Variants in ASTN1 observed in about 807,000 individuals in gnomAD.
The protein encoded by ASTN1 is astrotactin-1.
A neutral mutation model predicts 140.7 loss-of-function variants in ASTN1; 41 were observed. That is an observed-to-expected ratio of 0.29 (90% CI 0.23 to 0.38). The LOEUF is 0.38. ASTN1 is among the 10% of genes least tolerant of loss of function. The pLI, the probability that ASTN1 is intolerant of heterozygous loss-of-function variation, is 1.00. For missense variants in ASTN1, 1,479 were observed against 1,678.8 expected, an observed-to-expected ratio of 0.88 and a Z score of 2.08; for synonymous variants, 640 against 652.2, an observed-to-expected ratio of 0.98 and a Z score of 0.29.
In ASTN1 at chr1:177,032,513, G is replaced by T; in HGVS notation, c.808C>A (p.Arg270Ser). ...CAGCCCTGCAGGGAGTCGAGGGTGC[G>T]CGTGACCTGGCTGGCAAAGTCCTCC... is the stretch of plus-strand genomic sequence containing the variant. ...GGEDFASQVT[R>S]TLDSLQGCNE... Residue 270 changes from arginine (R) to serine (S), a missense_variant, in exon 3 of 23, where the codon CGC (arginine) becomes AGC (serine). Physicochemically the swap from Arg to Ser is moderately radical, Grantham distance 110. Coordinates refer to ENST00000361833, the MANE Select transcript of ASTN1 (RefSeq NM_004319.3). 1.2e-6 allele frequency: 2 copies of T among 1,614,062 alleles called. No individual in the cohort carries two copies. Among genetic ancestry groups the T allele is most frequent in the Non-Finnish European group, 1.7e-6 (2 of 1,180,024 alleles).
At chr1:177,159,025 C>T (rs185892084) in intron 1 of ASTN1, among the ~76,000 whole-genome samples, 39 of 146,320 alleles carry the variant, frequency 2.7e-4, no homozygotes, top group Middle Eastern at 6.9e-3. Flanking sequence ...CAAGATTGTG[C>T]CACTGCACTC....
At chr1:177,085,586 G>A (rs745768582) in intron 1 of ASTN1, among the ~76,000 whole-genome samples, 1 of 152,240 alleles carries the variant, frequency 6.6e-6, no homozygotes, top group Non-Finnish European at 1.5e-5. Context: ...CCCTGGGCAG[G>A]TTCCTTGATG....
chr1:176,953,463 T>C (rs893772014), intron 11 of ASTN1, among the ~76,000 whole-genome samples: 3 of 152,248 alleles, frequency 2.0e-5, no homozygotes, highest in African/African-American at 7.2e-5. Context: ...CCAAACTTTT[T>C]GATGGGCTCT....
rs904545728 is a variant in ASTN1 at position 176,862,802 on chromosome 1, T to C, written c.*1482A>G. On this transcript the variant is annotated 3_prime_UTR_variant, in exon 23 of 23. Coordinates refer to ENST00000361833, the MANE Select transcript of ASTN1 (RefSeq NM_004319.3). The stretch of plus-strand genomic sequence containing the variant: ...TCAGCGCCTGGCATACAGCAAGCAC[T>C]CAATAAATGTTATCTGTCACTACTA... 4 of 984,650 alleles carry C rather than the reference T, an allele frequency of 4.1e-6. No individual in the cohort carries two copies. In the African/African-American group the frequency reaches 7.0e-5, roughly 17 times the overall value. The allele number at this position is 984,650 out of a possible 1,614,324, so 61.0% of individuals were successfully genotyped here.
Position 176,917,181 on chromosome 1 carries a change from A to G in ASTN1, c.2671+16971T>C, listed in dbSNP as rs79833560. Among the ~76,000 whole-genome samples, 943 of 152,038 alleles carry G rather than the reference A, an allele frequency of 6.2e-3. 13 individuals carry two copies. The highest frequency in any genetic ancestry group is 0.022 in the African/African-American group (919 of 41,454). ...GTAGCCCCTGTCATACCTCATTGTA[A>G]TTTCTGGTTTCCTAGACTCTTCCCA... On this transcript the variant is annotated intron_variant, in intron 16 of 22. Coordinates refer to ENST00000361833, the MANE Select transcript of ASTN1 (RefSeq NM_004319.3).
chr1:177,023,604 T>C, intron 6 of ASTN1, 33 bp from the exon 7 acceptor site: 1 of 1,534,134 alleles, frequency 6.5e-7, no homozygotes, highest in Non-Finnish European at 8.7e-7. Context: ...CATGCCTATA[T>C]GTGCAACACA....
intron 16 of ASTN1, among the ~76,000 whole-genome samples, chr1:176,924,917 T>C (rs1272551131): frequency 6.6e-6 from 1 of 152,174 alleles, no homozygotes; most frequent in Admixed American, 6.5e-5. Context: ...CTCATCTGAA[T>C]ACTGTTTTAA....
chr1:177,027,057 C>T (rs953240427), intron 5 of ASTN1, among the ~76,000 whole-genome samples: 1 of 152,198 alleles, frequency 6.6e-6, no homozygotes, highest in Non-Finnish European at 1.5e-5. Context: ...TTCTAGTAAA[C>T]ATTTTACTGC....
chr1:177,036,523 G>A (rs1676727500), intron 2 of ASTN1, among the ~76,000 whole-genome samples: 1 of 152,124 alleles, frequency 6.6e-6, no homozygotes, highest in African/African-American at 2.4e-5. Flanking sequence ...ACTAATTGTG[G>A]ACTATTACAT....
chr1:177,021,252 T>C (rs1275387251), intron 7 of ASTN1, among the ~76,000 whole-genome samples: 1 of 152,228 alleles, frequency 6.6e-6, no homozygotes, highest in Non-Finnish European at 1.5e-5. Context: ...AGTCTTCCTC[T>C]GTGTCTTTCC....
chr1:177,125,362 C>T (rs548389517), intron 1 of ASTN1, among the ~76,000 whole-genome samples: 1 of 152,242 alleles, frequency 6.6e-6, no homozygotes, highest in South Asian at 2.1e-4. Context: ...AATGACTATG[C>T]AAAGATTAAG....
intron 1 of ASTN1, among the ~76,000 whole-genome samples, chr1:177,089,832 TGAG>T (rs1448981927): frequency 6.6e-6 from 1 of 152,060 alleles, no homozygotes; most frequent in East Asian, 1.9e-4. Context: ...AAAATAGAAA[TGAG>T]AAGTCACTGA....
intron 16 of ASTN1, among the ~76,000 whole-genome samples, chr1:176,900,174 T>A (rs1258195323): frequency 1.3e-5 from 2 of 152,092 alleles, no homozygotes; most frequent in Non-Finnish European, 2.9e-5. Flanking sequence ...CATCAAACAG[T>A]AAAGAAGAAA....
intron 11 of ASTN1, among the ~76,000 whole-genome samples, chr1:176,952,459 C>T (rs1417609246): frequency 6.6e-6 from 1 of 151,798 alleles, no homozygotes; most frequent in Non-Finnish European, 1.5e-5. Flanking sequence ...GCTTAGGCTG[C>T]AGTTCAGAGT....
intron 8 of ASTN1, among the ~76,000 whole-genome samples, chr1:176,971,513 A>T (rs1289754691): frequency 6.6e-6 from 1 of 152,196 alleles, no homozygotes; most frequent in Non-Finnish European, 1.5e-5. Flanking sequence ...ACCACCCCCG[A>T]CATATCCCCT....
intron 1 of ASTN1, among the ~76,000 whole-genome samples, chr1:177,124,699 C>G (rs934901066): frequency 2.1e-4 from 32 of 152,246 alleles, no homozygotes; most frequent in South Asian, 6.2e-4. Flanking sequence ...ATTAAGTTCT[C>G]TTTATTATCA....
intron 8 of ASTN1, among the ~76,000 whole-genome samples, chr1:176,987,111 G>C (rs914925187): frequency 6.6e-6 from 1 of 152,110 alleles, no homozygotes; most frequent in Non-Finnish European, 1.5e-5. Flanking sequence ...TAAGGCACAG[G>C]ACAGCCTCTC....
chr1:177,087,237 T>C (rs146009667), intron 1 of ASTN1, among the ~76,000 whole-genome samples: 1,652 of 152,218 alleles, frequency 0.011, 19 homozygotes, highest in Non-Finnish European at 0.014. Flanking sequence ...TGATGAAGGG[T>C]CAGGCACCAA....
intron 9 of ASTN1, among the ~76,000 whole-genome samples, chr1:176,964,683 G>C (rs1442723579): frequency 6.6e-6 from 1 of 152,096 alleles, no homozygotes; most frequent in Non-Finnish European, 1.5e-5. Flanking sequence ...GTTTAGAAAA[G>C]GGGAAGGCAG....
Sources: allele counts gnomAD v4.1 joint callset (sites outside exome capture counted in the v4.1 genomes callset), GRCh38; gene constraint gnomAD v4.1.1; transcripts MANE v1.5; gene names NCBI Gene and HGNC (gene_info 2026-07-23, HGNC 2026-07-21).